Variants in GALNT9 observed in about 807,000 individuals in gnomAD.
GALNT9 encodes polypeptide N-acetylgalactosaminyltransferase 9.
Under a neutral mutation model 63.1 loss-of-function variants are expected in GALNT9, and 47 were observed. That is an observed-to-expected ratio of 0.75 (90% CI 0.59 to 0.95). The LOEUF (loss-of-function observed/expected upper bound fraction) is 0.95. Ranked by LOEUF, GALNT9 falls within the 40% of genes least tolerant of loss-of-function variation. The pLI is 0.00. For missense variants in GALNT9, 829 were observed against 874.8 expected (o/e 0.95, Z 0.66); for synonymous variants, 396 against 365.7 (o/e 1.08, Z -0.94).
rs370505037 is a variant in GALNT9 at position 132,282,093 on chromosome 12, G to A, written c.419+4157C>T. On this transcript the variant is annotated intron_variant, in intron 2 of 10. Coordinates refer to ENST00000328957, the MANE Select transcript of GALNT9 (RefSeq NM_001122636.2). This position sits in a 1 kb window ranked among gnomAD's most constrained non-coding sequence, Gnocchi z 4.5. Reference sequence around the variant, plus strand: ...GCCTGGGGGTCCCTGATCCCACAGAGGAGGAATCAGCTCCACTACAGCAAG... The same window carrying A: ...GCCTGGGGGTCCCTGATCCCACAGAAGAGGAATCAGCTCCACTACAGCAAG... Among the ~76,000 whole-genome samples the A allele has an allele frequency of 1.9e-3, 257 of 132,744 alleles. No homozygotes were observed. The highest frequency in any genetic ancestry group is 7.8e-3 in the African/African-American group (219 of 27,952). 87.1% of individuals were successfully genotyped at this position (132,744 alleles called of 152,430 possible).
Position 132,316,625 on chromosome 12 carries a change from T to C in GALNT9, c.238+12341A>G, listed in dbSNP as rs1868523004. ...CCCTCCTCCTGCCAGGGTGTGTCCC[T>C]GCTCTCTTTCCTCCGCTTCAGCAAA... On this transcript the variant is annotated intron_variant, in intron 1 of 10. Coordinates refer to ENST00000328957, the MANE Select transcript of GALNT9 (RefSeq NM_001122636.2). This position sits in a 1 kb window ranked among gnomAD's most constrained non-coding sequence, Gnocchi z 4.3. Among the ~76,000 whole-genome samples, 2 of 151,966 alleles carry C rather than the reference T, an allele frequency of 1.3e-5. No homozygotes were observed. Among genetic ancestry groups the C allele is most frequent in the South Asian group, 4.1e-4 (2 of 4,826 alleles).
intron 1 of GALNT9, among the ~76,000 whole-genome samples, chr12:132,294,430 A>G (rs1218691135): frequency 6.6e-6 from 1 of 152,222 alleles, no homozygotes; most frequent in Non-Finnish European, 1.5e-5. Context: ...AGGGCCCTCC[A>G]GAAGTGTCTG....
At position 132,265,853 on chromosome 12, in the gene GALNT9, C is replaced by T. The variant is rs539007576; in HGVS notation, c.420-3228G>A. 2.6e-5 allele frequency among the ~76,000 whole-genome samples: 4 copies of T among 152,368 alleles called. No individual in the cohort carries two copies. Among genetic ancestry groups the T allele is most frequent in the South Asian group, 2.1e-4 (1 of 4,830 alleles). ...GCTCATTTTAATAGTAAGAGACACA[C>T]CCCCAGGTGAGGATTCTATATGTAA... On this transcript the variant is annotated intron_variant, in intron 2 of 10. Coordinates refer to ENST00000328957, the MANE Select transcript of GALNT9 (RefSeq NM_001122636.2). This position sits in a 1 kb window ranked among gnomAD's most constrained non-coding sequence, Gnocchi z 5.3.
chr12:132,287,705 C>T (rs1342978342), intron 1 of GALNT9, among the ~76,000 whole-genome samples: 1 of 152,172 alleles, frequency 6.6e-6, no homozygotes, highest in African/African-American at 2.4e-5. Flanking sequence ...TCTGGGCTGA[C>T]AGGGAGGCTC....
At chr12:132,240,863 A>T (rs369287745) in intron 6 of GALNT9, 1 of 283,830 alleles carries the variant, frequency 3.5e-6, no homozygotes, top group Non-Finnish European at 6.7e-6. Flanking sequence ...CCCCCTTCCC[A>T]GGGCCGTCCC....
intron 1 of GALNT9, among the ~76,000 whole-genome samples, chr12:132,306,267 C>A (rs182146900): frequency 6.6e-6 from 1 of 152,248 alleles, no homozygotes; most frequent in South Asian, 2.1e-4. Context: ...ACATAACTGC[C>A]GGGGCGTGGC....
chr12:132,239,845 G>A (rs1555236736), intron 6 of GALNT9, among the ~76,000 whole-genome samples: 3 of 152,088 alleles, frequency 2.0e-5, no homozygotes, highest in Non-Finnish European at 4.4e-5. Context: ...GACAAAGAGA[G>A]ACAGACACAA....
chr12:132,243,387 C>T (rs1377842618), intron 6 of GALNT9, among the ~76,000 whole-genome samples: 4 of 152,154 alleles, frequency 2.6e-5, no homozygotes, highest in African/African-American at 9.7e-5. Flanking sequence ...TCCCCGTCCT[C>T]CGGAGCTCTC....
At position 132,310,502 on chromosome 12, in the gene GALNT9, C is replaced by T. The variant is rs190873811; in HGVS notation, c.238+18464G>A. On this transcript the variant is annotated intron_variant, in intron 1 of 10. Transcript: ENST00000328957. This position sits in a 1 kb window ranked among gnomAD's most constrained non-coding sequence, Gnocchi z 4.8. ...CCTCCGGGAAAGCAGGCATTTCTGC[C>T]GGCTTCCTCTGTGTCCCTGCCCCCT... Among the ~76,000 whole-genome samples the T allele has an allele frequency of 3.5e-3, 533 of 152,252 alleles. 2 individuals are homozygous for T. Among genetic ancestry groups the T allele is most frequent in the African/African-American group, 4.6e-3 (192 of 41,540 alleles).
intron 8 of GALNT9, 74 bp downstream of exon 8, chr12:132,201,050 C>A: frequency 7.2e-7 from 1 of 1,397,716 alleles, no homozygotes; most frequent in Non-Finnish European, 9.9e-7. Context: ...CTGCATCACC[C>A]TGAATGCATA....
intron 6 of GALNT9, chr12:132,240,763 T>G (rs1476218230): frequency 2.2e-6 from 1 of 455,316 alleles, no homozygotes; most frequent in South Asian, 1.6e-5. Flanking sequence ...ACCAGCAGAA[T>G]TGGAATGTGC....
chr12:132,211,579 CCGTCCACCCTCTCT>C (rs1377167596), intron 6 of GALNT9, among the ~76,000 whole-genome samples: 3 of 152,092 alleles, frequency 2.0e-5, no homozygotes, highest in African/African-American at 7.2e-5. Context: ...TCCGCTCACT[CCGTCCACCCTCTCT>C]CGTCCACCTG....
chr12:132,230,015 G>A (rs1407106457), intron 6 of GALNT9, among the ~76,000 whole-genome samples: 4 of 152,258 alleles, frequency 2.6e-5, no homozygotes, highest in Non-Finnish European at 4.4e-5. Flanking sequence ...CCTGGGTCCC[G>A]GTGCCGCCCC....
intron 6 of GALNT9, among the ~76,000 whole-genome samples, chr12:132,228,623 A>G (rs1877789952): frequency 1.3e-5 from 2 of 151,880 alleles, no homozygotes; most frequent in Non-Finnish European, 2.9e-5. Context: ...AGACGTTCTG[A>G]TGCTCACACA....
At chr12:132,237,302 A>G (rs1338332493) in intron 6 of GALNT9, among the ~76,000 whole-genome samples, 2 of 151,556 alleles carry the variant, frequency 1.3e-5, no homozygotes, top group African/African-American at 4.9e-5. Flanking sequence ...ACCCATCCAC[A>G]CCAGTTCACA....
At position 132,247,954 on chromosome 12, in the gene GALNT9, C is replaced by A; in HGVS notation, c.1033G>T (p.Gly345Cys). 1.3e-6 allele frequency: 2 copies of A among 1,551,596 alleles called. No individual in the cohort carries two copies. Among genetic ancestry groups the A allele is most frequent in the Non-Finnish European group, 1.7e-6 (2 of 1,147,032 alleles). ...TTCTCGCCGCCATACACCTCCATGC[C>A]GGGGTCCAGCAGCCCAATGTCTCCG... ...YFGDIGLLDP[G>C]MEVYGGENVE... The change falls in exon 6 of 11, where the codon GGC (glycine) becomes TGC (cysteine). Residue 345 changes from glycine to cysteine, a missense_variant. Gly to Cys is a radical substitution (Grantham distance 159). Transcript: ENST00000328957.
rs2136896060 is a variant in GALNT9, at chr12:132,238,450, C to T, written c.1077+9460G>A. ...GAGGCCGGGGCAGCAGCCGCAGGGG[C>T]GACATGGTGTCAAGGTCTCCTGGAC... is the stretch of plus-strand genomic sequence containing the variant. On this transcript the variant is annotated intron_variant, in intron 6 of 10. Transcript: ENST00000328957. The surrounding 1 kb of genome is among the most constrained non-coding windows in gnomAD (Gnocchi z 6.5). Among the ~76,000 whole-genome samples the T allele has an allele frequency of 3.3e-5, 5 of 152,120 alleles. No homozygotes were observed. The highest frequency in any genetic ancestry group is 1.2e-4 in the African/African-American group (5 of 41,408).
chr12:132,221,134 T>C (rs1424106313), intron 6 of GALNT9, among the ~76,000 whole-genome samples: 1 of 136,132 alleles, frequency 7.3e-6, no homozygotes, highest in Non-Finnish European at 1.5e-5. Context: ...GGCAGGCAGA[T>C]CATGAGGTCA....
chr12:132,225,002 A>G (rs1167403504), intron 6 of GALNT9, among the ~76,000 whole-genome samples: 1 of 137,318 alleles, frequency 7.3e-6, no homozygotes, highest in Non-Finnish European at 1.6e-5. Context: ...CACCCTATAC[A>G]CTATACGTAC....
Sources: allele counts gnomAD v4.1 joint callset (sites outside exome capture counted in the v4.1 genomes callset), GRCh38; gene constraint gnomAD v4.1.1; non-coding constraint Gnocchi (gnomAD v3.1); transcripts MANE v1.5; gene names NCBI Gene and HGNC (gene_info 2026-07-23, HGNC 2026-07-21).